The following PNLDC1 variants were observed in gnomAD, a reference collection of about 807,000 sequenced individuals.
The protein encoded by PNLDC1 is PARN like ribonuclease domain containing exonuclease 1, also known as poly(A)-specific ribonuclease PNLDC1.
Under a neutral mutation model 82.0 loss-of-function variants are expected in PNLDC1, and 70 were observed. That is an observed-to-expected ratio of 0.85 (90% CI 0.70 to 1.04). PNLDC1 has a LOEUF of 1.04. Ranked by LOEUF, PNLDC1 falls within the 50% of genes least tolerant of loss-of-function variation. PNLDC1 has a pLI of 0.00. For synonymous variants in PNLDC1, 280 were observed against 249.3 expected (o/e 1.12, Z -1.16); for missense variants, 631 against 661.1 (o/e 0.95, Z 0.50).
At chr6:159,817,726 C>T (rs952115130) in intron 15 of PNLDC1, among the ~76,000 whole-genome samples, 4 of 152,308 alleles carry the variant, frequency 2.6e-5, no homozygotes, top group Middle Eastern at 3.4e-3. Context: ...TTGGCATGCA[C>T]GTTAGTTAAG....
chr6:159,802,292 C>G (rs921765661), intron 3 of PNLDC1, among the ~76,000 whole-genome samples: 1 of 151,862 alleles, frequency 6.6e-6, no homozygotes, highest in Non-Finnish European at 1.5e-5. Flanking sequence ...TTGTCTGTGC[C>G]CTCTCCCGCA....
At chr6:159,804,774 G>A in intron 6 of PNLDC1, 137 bp downstream of exon 6, 1 of 621,200 alleles carries the variant, frequency 1.6e-6, no homozygotes, top group East Asian at 2.8e-5. Context: ...TGCCTGTGCA[G>A]CTGGCGCTGC....
At chr6:159,818,675 C>T (rs74984325) in intron 16 of PNLDC1, 21 bp downstream of exon 16, 1 of 1,599,678 alleles carries the variant, frequency 6.3e-7, no homozygotes, top group African/African-American at 1.3e-5. Context: ...CTCATTTGGC[C>T]CCCTCGCCCC....
Position 159,808,425 on chromosome 6 carries a change from C to A in PNLDC1, c.563-315C>A, listed in dbSNP as rs958260541. On this transcript the variant is annotated intron_variant, in intron 7 of 18. Transcript: ENST00000392167. ...TGGGTTTTTGTTACTTAAAAAACTT[C>A]TTTAAATGTAAGAGTTTTAATTTCT... Among the ~76,000 whole-genome samples, 9 of 150,810 alleles carry A rather than the reference C, an allele frequency of 6.0e-5. No individual in the cohort carries two copies. The East Asian group carries it at 1.4e-3, about 23-fold the overall frequency.
intron 7 of PNLDC1, 23 bp from the exon 8 acceptor site, chr6:159,808,717 G>C (rs1362537405): frequency 1.2e-6 from 2 of 1,607,506 alleles, no homozygotes; most frequent in African/African-American, 1.3e-5. Flanking sequence ...GGTGCTGTGT[G>C]CCCCTGTGTT....
rs1384537339 is a variant in PNLDC1 at position 159,800,816 on chromosome 6, C to T, written c.121C>T (p.Pro41Ser). ...GGGCCTTCGTTCTAACCTGTCTGGG[C>T]CCCAGCAGATCAGGTAAAACTAAAG... The part of the protein sequence containing the change: ...FTGLRSNLSG[P>S]QQISLFDLPS... The change falls in exon 2 of 19, where the codon CCC (proline) becomes TCC (serine). Residue 41 changes from proline (P) to serine (S), a missense_variant. Physicochemically the swap from Pro to Ser is moderately conservative, Grantham distance 74 (BLOSUM62 -1). Transcript: ENST00000392167. The T allele has an allele frequency of 1.1e-5, 18 of 1,614,142 alleles. No homozygotes were observed. In the East Asian group the frequency reaches 3.1e-4, roughly 28 times the overall value.
intron 9 of PNLDC1, among the ~76,000 whole-genome samples, chr6:159,809,366 C>A (rs565308314): frequency 2.1e-4 from 32 of 152,240 alleles, no homozygotes; most frequent in African/African-American, 7.5e-4. Flanking sequence ...TTCACTGCAG[C>A]CTTGACCTCC....
intron 11 of PNLDC1, 66 bp downstream of exon 11, chr6:159,811,852 T>G: frequency 1.2e-5 from 15 of 1,202,904 alleles, no homozygotes; most frequent in Non-Finnish European, 1.6e-5. Flanking sequence ...TAGCTTTCTC[T>G]TGTGGGGTTT....
intron 2 of PNLDC1, 81 bp downstream of exon 2, chr6:159,800,910 G>A (rs1182318924): frequency 3.8e-6 from 6 of 1,598,302 alleles, no homozygotes; most frequent in Non-Finnish European, 5.1e-6. Flanking sequence ...GTTGGCATTT[G>A]GGGGGCAGGA....
chr6:159,809,900 T>A, intron 9 of PNLDC1, 126 bp from the exon 10 acceptor site: 1 of 759,004 alleles, frequency 1.3e-6, no homozygotes. Flanking sequence ...AAGGTTAGGA[T>A]GGAACTGTCA....
intron 7 of PNLDC1, 59 bp from the exon 8 acceptor site, chr6:159,808,681 T>G: frequency 6.7e-7 from 1 of 1,494,294 alleles, no homozygotes; most frequent in South Asian, 1.2e-5. Context: ...GGGCTTCTCT[T>G]GTGGGGAACA....
At chr6:159,818,707 C>A (rs1296145126) in intron 16 of PNLDC1, 53 bp downstream of exon 16, 3 of 1,540,594 alleles carry the variant, frequency 1.9e-6, no homozygotes. Flanking sequence ...AGAGGCTTTG[C>A]TGGGAAGCGG....
rs1694831660 is a variant in PNLDC1, at chr6:159,808,751, T to A, written c.574T>A (p.Phe192Ile). The A allele has an allele frequency of 6.2e-7, 1 of 1,613,670 alleles. No homozygotes were observed. Among genetic ancestry groups the A allele is most frequent in the African/African-American group, 1.3e-5 (1 of 74,938 alleles). Residue 192 changes from phenylalanine (F) to isoleucine (I), a missense_variant, in exon 8 of 19, where the codon TTT (phenylalanine) becomes ATT (isoleucine). Phe to Ile is a conservative substitution (Grantham distance 21). Coordinates refer to ENST00000392167, the MANE Select transcript of PNLDC1 (RefSeq NM_001271862.2). The part of the protein sequence containing the change: ...TLPGITGFQA[F>I]EVQLVLRQAL... The stretch of plus-strand genomic sequence containing the variant: ...TTTCCCTGCTGCAGGCTTCCAGGCC[T>A]TTGAGGTCCAACTGGTGCTGAGGCA...
At position 159,804,582 on chromosome 6, in the gene PNLDC1, G is replaced by T; in HGVS notation, c.406G>T (p.Glu136Ter). 6.2e-7 allele frequency: 1 copy of T among 1,609,738 alleles called. No individual in the cohort carries two copies. Among genetic ancestry groups the T allele is most frequent in the South Asian group, 1.1e-5 (1 of 90,922 alleles). The change falls in exon 6 of 19, where the codon GAA (glutamate) becomes TAA (stop). Residue 136 changes from glutamate (E) to a stop codon, truncating the protein, a stop_gained. Transcript: ENST00000392167. LOFTEE classifies it high-confidence loss of function. ...AAACGGAATCCCATATATGAATGAA[G>T]AACAGGAGAAGAAAATTAGACACGA... ...LKNGIPYMNE[E>*]QEKKIRHDIL... is the part of the protein sequence containing the mutation.
At chr6:159,800,720 G>T in intron 1 of PNLDC1, 52 bp from the exon 2 acceptor site, 1 of 1,614,230 alleles carries the variant, frequency 6.2e-7, no homozygotes, top group South Asian at 1.1e-5. Context: ...AGTGTGAGGA[G>T]TGCTGGCGAT....
In PNLDC1 at chr6:159,812,965, A is replaced by G. The variant is rs548720943; in HGVS notation, c.940-636A>G. 4.6e-5 allele frequency among the ~76,000 whole-genome samples: 7 copies of G among 152,302 alleles called. No individual in the cohort carries two copies. In the South Asian group the frequency reaches 1.4e-3, roughly 32 times the overall value. ...TTAAAGCCCGGGAAGTGGAGATTGCAGTGAGCCGAGATTGCACCCCTGTAT... is the reference window on the plus strand; with the variant it reads ...TTAAAGCCCGGGAAGTGGAGATTGCGGTGAGCCGAGATTGCACCCCTGTAT... On this transcript the variant is annotated intron_variant, in intron 11 of 18. Coordinates refer to ENST00000392167, the MANE Select transcript of PNLDC1 (RefSeq NM_001271862.2).
At chr6:159,811,424 G>A (rs752518746) in intron 10 of PNLDC1, among the ~76,000 whole-genome samples, 2 of 151,824 alleles carry the variant, frequency 1.3e-5, no homozygotes, top group African/African-American at 2.4e-5. Flanking sequence ...TTATCCCATC[G>A]GCTAGAGCTT....
chr6:159,805,234 G>A (rs1244723771), intron 6 of PNLDC1, among the ~76,000 whole-genome samples: 4 of 152,306 alleles, frequency 2.6e-5, no homozygotes, highest in East Asian at 1.9e-4. Context: ...TGACCACAGC[G>A]AGAGCAACAG....
upstream of PNLDC1, among the ~76,000 whole-genome samples, chr6:159,799,612 A>T (rs1235656705): frequency 3.3e-5 from 5 of 152,184 alleles, no homozygotes; most frequent in Admixed American, 2.6e-4. Flanking sequence ...GTTGCACTGG[A>T]AACAGTAACA....
Sources: gnomAD v4.1 joint callset for allele counts (sites outside exome capture counted in the v4.1 genomes callset) on GRCh38, gnomAD v4.1.1 for gene constraint, MANE v1.5 for transcripts, NCBI Gene and HGNC (gene_info 2026-07-23, HGNC 2026-07-21) for gene names.